MORC4: variants seen among roughly 807,000 people sequenced by gnomAD.
The protein encoded by MORC4 is MORC family CW-type zinc finger 4, also known as MORC family CW-type zinc finger protein 4.
Under a neutral mutation model 65.5 loss-of-function variants are expected in MORC4, and 22 were observed. The observed-to-expected ratio is 0.34, with a 90% CI of 0.24 to 0.48. The LOEUF is 0.48. MORC4 is among the 20% of genes least tolerant of loss of function. The probability of loss-of-function intolerance (pLI) is 0.99; values close to 1 mark genes in which losing one functional copy is unlikely to be tolerated. For missense variants in MORC4, 624 were observed against 703.0 expected (o/e 0.89, Z 1.27); for synonymous variants, 267 against 255.8 (o/e 1.04, Z -0.42).
chrX:106,942,673 T>C lies in MORC4; in HGVS notation c.2218A>G (p.Ile740Val). Residue 740 changes from isoleucine (I) to valine (V), a missense_variant, in exon 15 of 17, where the codon ATC becomes GTC. Physicochemically the swap from Ile to Val is conservative, Grantham distance 29 (BLOSUM62 3). Coordinates refer to ENST00000355610, the MANE Select transcript of MORC4 (RefSeq NM_024657.5). ...TTCTCCCCAATGGCTGCAGCAGGGA[T>C]TGCAGCAGAGGCCACAGAATAAGGC... ...PVPYSVASAA[I>V]PAAAIGEKAR... 2.5e-6 allele frequency: 3 copies of C among 1,211,485 alleles called. No individual in the cohort carries two copies. Among genetic ancestry groups the C allele is most frequent in the East Asian group, 3.0e-5 (1 of 33,832 alleles).
At chrX:106,971,552 T>C (rs1934510511) in intron 9 of MORC4, among the ~76,000 whole-genome samples, 1 of 111,905 alleles carries the variant, frequency 8.9e-6, no homozygotes, top group Admixed American at 9.4e-5. Context: ...GGAGAAAAAT[T>C]TTGTAAACTA....
At chrX:106,973,306 G>T (rs1044826965) in intron 9 of MORC4, among the ~76,000 whole-genome samples, 6 of 111,812 alleles carry the variant, frequency 5.4e-5, no homozygotes, top group African/African-American at 2.0e-4. Context: ...ATACAAAAAA[G>T]AAAATACATA....
chrX:106,947,590 T>TAA (rs1192149796), intron 14 of MORC4, among the ~76,000 whole-genome samples: 5 of 83,300 alleles, frequency 6.0e-5, no homozygotes, highest in Middle Eastern at 5.0e-3. Flanking sequence ...TATATATATA[T>TAA]AATATATATA....
intron 9 of MORC4, among the ~76,000 whole-genome samples, chrX:106,966,234 A>G (rs1229217425): frequency 8.9e-6 from 1 of 112,559 alleles, no homozygotes; most frequent in East Asian, 2.8e-4. Flanking sequence ...GGGCTGAACA[A>G]TCTTTTGATA....
chrX:106,953,742 A>G (rs908635139), intron 14 of MORC4, among the ~76,000 whole-genome samples: 2 of 111,119 alleles, frequency 1.8e-5, no homozygotes, highest in African/African-American at 6.6e-5. Context: ...AAACCAACCA[A>G]CCAGGAGTCA....
intron 14 of MORC4, among the ~76,000 whole-genome samples, 178 bp from the exon 15 acceptor site, chrX:106,943,383 C>T (rs16987234): frequency 0.12 from 12,806 of 111,303 alleles, 1,872 homozygotes; most frequent in African/African-American, 0.4. Context: ...ACTAGTGCGA[C>T]TGGTATTAAC....
intron 9 of MORC4, among the ~76,000 whole-genome samples, chrX:106,969,116 C>CA (rs763720491): frequency 2.6e-4 from 28 of 108,788 alleles, no homozygotes; most frequent in East Asian, 2.9e-4. Context: ...AAATAAAACA[C>CA]AAAAAACTCT....
chrX:106,953,122 A>T (rs1301106349), intron 14 of MORC4, among the ~76,000 whole-genome samples: 1 of 111,635 alleles, frequency 9.0e-6, no homozygotes, highest in Non-Finnish European at 1.9e-5. Context: ...CCAAAACCTC[A>T]CTCTCGATAT....
intron 14 of MORC4, among the ~76,000 whole-genome samples, chrX:106,954,155 A>G (rs1934043334): frequency 8.9e-6 from 1 of 112,599 alleles, no homozygotes; most frequent in African/African-American, 3.2e-5. Flanking sequence ...CATTTCTACT[A>G]TTAGAGAGCA....
intron 13 of MORC4, 90 bp from the exon 14 acceptor site, chrX:106,955,178 C>T: frequency 3.0e-6 from 2 of 674,814 alleles, no homozygotes; most frequent in Admixed American, 3.7e-5. Flanking sequence ...GGAAAGAATG[C>T]TTGGCCAAAT....
chrX:106,986,568 A>C (rs754382985), intron 3 of MORC4, among the ~76,000 whole-genome samples: 20 of 111,678 alleles, frequency 1.8e-4, no homozygotes, highest in Non-Finnish European at 3.8e-4. Context: ...GTAGAAGTAA[A>C]GTTAGGGTAA....
intron 10 of MORC4, 91 bp from the exon 11 acceptor site, chrX:106,958,555 C>G (rs1934163146): frequency 2.5e-6 from 2 of 789,335 alleles, no homozygotes; most frequent in African/African-American, 4.2e-5. Flanking sequence ...AAAGAAAGAA[C>G]CTAATTTCAT....
At chrX:106,952,981 G>C (rs915161208) in intron 14 of MORC4, among the ~76,000 whole-genome samples, 7 of 111,918 alleles carry the variant, frequency 6.3e-5, no homozygotes, top group African/African-American at 2.3e-4. Context: ...CTGATCTTAT[G>C]TAACATATAT....
chrX:106,964,551 CAG>C (rs1443278159), intron 9 of MORC4, among the ~76,000 whole-genome samples: 3 of 111,786 alleles, frequency 2.7e-5, no homozygotes, highest in Admixed American at 9.5e-5. Flanking sequence ...AGGATGAACT[CAG>C]AGAGACTCAG....
At chrX:106,993,555 G>A (rs1935020871) in intron 2 of MORC4, among the ~76,000 whole-genome samples, 193 bp from the exon 3 acceptor site, 1 of 112,236 alleles carries the variant, frequency 8.9e-6, no homozygotes, top group Non-Finnish European at 1.9e-5. Context: ...GCCAGATTGA[G>A]TTCTAAAGCT....
chrX:106,985,738 T>C (rs1053174840), intron 4 of MORC4, among the ~76,000 whole-genome samples: 3 of 110,899 alleles, frequency 2.7e-5, no homozygotes, highest in African/African-American at 9.8e-5. Flanking sequence ...AGAGCAGAGA[T>C]ACACTATATA....
intron 9 of MORC4, among the ~76,000 whole-genome samples, chrX:106,975,320 A>ACTGC (rs1194628940): frequency 7.2e-5 from 8 of 111,555 alleles, no homozygotes; most frequent in Non-Finnish European, 1.1e-4. Flanking sequence ...GCTTTCACTT[A>ACTGC]GAGTTAAGTC....
At chrX:106,972,316 G>A (rs964828161) in intron 9 of MORC4, among the ~76,000 whole-genome samples, 10 of 110,675 alleles carry the variant, frequency 9.0e-5, no homozygotes, top group Non-Finnish European at 1.9e-4. Context: ...GAGGCCTGTA[G>A]GGGGTGGGAA....
intron 2 of MORC4, among the ~76,000 whole-genome samples, chrX:106,996,589 G>GA (rs1263135383): frequency 2.7e-5 from 3 of 111,380 alleles, no homozygotes; most frequent in South Asian, 7.7e-4. Context: ...TTGGATCCCA[G>GA]AAAATCTATC....
Sources: gnomAD v4.1 joint callset for allele counts (sites outside exome capture counted in the v4.1 genomes callset) on GRCh38, gnomAD v4.1.1 for gene constraint, MANE v1.5 for transcripts, NCBI Gene and HGNC (gene_info 2026-07-23, HGNC 2026-07-21) for gene names.